Variants in SPAG6 observed in about 807,000 individuals in gnomAD.
SPAG6 encodes the protein sperm associated antigen 6, also known as sperm-associated antigen 6.
SPAG6 carries 49 observed loss-of-function variants against 58.5 expected under a neutral mutation model. That is an observed-to-expected ratio of 0.84 (90% CI 0.67 to 1.06). The LOEUF (loss-of-function observed/expected upper bound fraction) is 1.06. Among genes scored for constraint, SPAG6 ranks in the 50% least tolerant of loss-of-function variants. The pLI is 0.00. For synonymous variants in SPAG6, 233 were observed against 225.6 expected (o/e 1.03, Z -0.29); for missense variants, 560 against 611.3 (o/e 0.92, Z 0.89).
chr10:22,408,256 C>T (rs1218444927), intron 9 of SPAG6, among the ~76,000 whole-genome samples: 306 of 136,902 alleles, frequency 2.2e-3, no homozygotes, highest in African/African-American at 9.4e-3. Context: ...TTTTCCCCAT[C>T]TTTGTGGTTT....
chr10:22,415,869 A>G (rs1834854694), intron 10 of SPAG6, among the ~76,000 whole-genome samples: 1 of 152,142 alleles, frequency 6.6e-6, no homozygotes, highest in Admixed American at 6.5e-5. Context: ...ATTTTATTTG[A>G]CATTCATTTA....
rs367702878 is a variant in SPAG6, at chr10:22,408,923, C to G, written c.1315-2108C>G. On this transcript the variant is annotated intron_variant, in intron 9 of 10. Coordinates refer to ENST00000376624, the MANE Select transcript of SPAG6 (RefSeq NM_012443.4). ...TCCAGGTGCCGTCTGTCACCCCTTT[C>G]TTTGACTAGGAAAGGGAACTCCCTG... is the stretch of plus-strand genomic sequence containing the variant. Among the ~76,000 whole-genome samples the G allele has an allele frequency of 2.8e-4, 43 of 152,326 alleles. No homozygotes were observed. In the East Asian group the frequency reaches 7.7e-3, roughly 27 times the overall value.
chr10:22,355,551 A>G (rs1836842271), intron 2 of SPAG6, among the ~76,000 whole-genome samples: 1 of 152,230 alleles, frequency 6.6e-6, no homozygotes, highest in African/African-American at 2.4e-5. Context: ...AGTTTCTTGA[A>G]TTATTTACTA....
chr10:22,351,305 G>C (rs1231786875), intron 2 of SPAG6, among the ~76,000 whole-genome samples: 1 of 152,116 alleles, frequency 6.6e-6, no homozygotes, highest in Non-Finnish European at 1.5e-5. Context: ...AGGCTTCCTT[G>C]GGCTTCTAAT....
At chr10:22,389,906 G>A (rs1834148132) in intron 7 of SPAG6, among the ~76,000 whole-genome samples, 1 of 152,094 alleles carries the variant, frequency 6.6e-6, no homozygotes, top group Admixed American at 6.6e-5. Context: ...GTGCAGCCCT[G>A]GCACATAGTA....
At chr10:22,362,757 A>T (rs1022040222) in intron 2 of SPAG6, among the ~76,000 whole-genome samples, 6 of 151,930 alleles carry the variant, frequency 3.9e-5, no homozygotes, top group Admixed American at 3.3e-4. Context: ...AAAAAATAAG[A>T]ACGTAATGCT....
In SPAG6 at chr10:22,417,381, A is replaced by T. The variant is rs554157907; in HGVS notation, c.*693A>T. On this transcript the variant is annotated 3_prime_UTR_variant, in exon 11 of 11. Transcript: ENST00000376624. ...CTCCTGCATACATGCTCTCCCTCTCATTGAAAGGTTTCTTAGTCTAGCTCT... is the reference window on the plus strand; with the variant it reads ...CTCCTGCATACATGCTCTCCCTCTCTTTGAAAGGTTTCTTAGTCTAGCTCT... 2.6e-5 allele frequency: 4 copies of T among 152,276 alleles called. No individual in the cohort carries two copies. The East Asian group carries it at 7.7e-4, about 29-fold the overall frequency. 9.4% of individuals were successfully genotyped at this position (152,276 alleles called of 1,614,324 possible). A position where few individuals can be genotyped will look rare whatever the true frequency, so the allele number is the denominator to read the frequency against.
intron 4 of SPAG6, among the ~76,000 whole-genome samples, chr10:22,384,540 T>C (rs1199866342): frequency 1.3e-5 from 2 of 152,242 alleles, no homozygotes; most frequent in East Asian, 1.9e-4. Context: ...TATTAACATA[T>C]GTTTGAAGCT....
chr10:22,345,689 G>A lies in SPAG6; in HGVS notation c.26-34G>A. The A allele has an allele frequency of 6.3e-7, 1 of 1,594,334 alleles. No individual in the cohort carries two copies. The highest frequency in any genetic ancestry group is 8.5e-7 in the Non-Finnish European group (1 of 1,171,150). ...ACTAGCTGGCGCCGAGGAGACCCGG[G>A]TGCGGTGGGCTCCACCGACTCTCTC... On this transcript the variant is annotated intron_variant, in intron 1 of 10. Transcript: ENST00000376624. This position sits in a 1 kb window ranked among gnomAD's most constrained non-coding sequence, Gnocchi z 6.3.
chr10:22,385,556 T>C (rs1289120794), intron 4 of SPAG6, among the ~76,000 whole-genome samples: 3 of 152,214 alleles, frequency 2.0e-5, no homozygotes, highest in African/African-American at 7.2e-5. Context: ...AGCCTGTCAC[T>C]TAATAGCCTT....
intron 4 of SPAG6, among the ~76,000 whole-genome samples, chr10:22,383,038 T>C (rs1833990470): frequency 6.6e-6 from 1 of 152,218 alleles, no homozygotes; most frequent in African/African-American, 2.4e-5. Context: ...TCACATATTA[T>C]TGTGTAATGG....
chr10:22,378,387 A>G (rs1229605698), intron 4 of SPAG6, among the ~76,000 whole-genome samples: 1 of 148,782 alleles, frequency 6.7e-6, no homozygotes, highest in Admixed American at 6.7e-5. Context: ...TCTTACATGC[A>G]TACATTGCAT....
At chr10:22,392,439 A>T (rs572509087) in intron 8 of SPAG6, among the ~76,000 whole-genome samples, 2 of 152,214 alleles carry the variant, frequency 1.3e-5, no homozygotes, top group African/African-American at 4.8e-5. Context: ...AATATTTTTA[A>T]ATCATGCATT....
At chr10:22,409,305 T>G (rs958066510) in intron 9 of SPAG6, among the ~76,000 whole-genome samples, 9 of 152,190 alleles carry the variant, frequency 5.9e-5, no homozygotes, top group African/African-American at 1.7e-4. Context: ...ACCAATATAT[T>G]TATAGAATAT....
rs547989510 is a variant in SPAG6 at position 22,401,648 on chromosome 10, C to T, written c.1314+371C>T. On this transcript the variant is annotated intron_variant, in intron 9 of 10. Transcript: ENST00000376624. ...AAAAGGAAAAAGGTTTCTGAGCCAC[C>T]GAAATATCTTTCATGAAGTCCATGT... 6.1e-4 allele frequency among the ~76,000 whole-genome samples: 93 copies of T among 152,194 alleles called. 2 individuals carry two copies. The South Asian group carries it at 0.019, about 31-fold the overall frequency.
At chr10:22,390,658 C>T (rs1460907966) in intron 7 of SPAG6, among the ~76,000 whole-genome samples, 1 of 152,174 alleles carries the variant, frequency 6.6e-6, no homozygotes, top group Admixed American at 6.6e-5. Flanking sequence ...AGTAGAGGCA[C>T]TGTCTCCTTT....
At chr10:22,359,880 T>TG (rs542782617) in intron 2 of SPAG6, among the ~76,000 whole-genome samples, 53 of 152,060 alleles carry the variant, frequency 3.5e-4, no homozygotes, top group Non-Finnish European at 4.6e-4. Context: ...TAAACGTTGT[T>TG]GGGGGGGATA....
At chr10:22,350,860 G>T (rs1041330953) in intron 2 of SPAG6, among the ~76,000 whole-genome samples, 15 of 152,164 alleles carry the variant, frequency 9.9e-5, no homozygotes, top group Non-Finnish European at 2.1e-4. Flanking sequence ...ATGAAGGAAG[G>T]AGTAACTGAA....
rs1302825923 is a variant in SPAG6, at chr10:22,345,533, C to A, written c.-79C>A. 10 of 1,274,158 alleles carry A rather than the reference C, an allele frequency of 7.8e-6. No homozygotes were observed. In the Admixed American group the frequency reaches 2.4e-4, roughly 31 times the overall value. 78.9% of individuals were successfully genotyped at this position (1,274,158 alleles called of 1,614,324 possible). ...CCCGTCGGAGGCCGAGTCGTCGCCA[C>A]GATCGCCCCCTTGGTGGACTCGCAG... On this transcript the variant is annotated 5_prime_UTR_variant, in exon 1 of 11. Coordinates refer to ENST00000376624, the MANE Select transcript of SPAG6 (RefSeq NM_012443.4). The surrounding 1 kb of genome is among the most constrained non-coding windows in gnomAD (Gnocchi z 6.3).
Sources: allele counts gnomAD v4.1 joint callset (sites outside exome capture counted in the v4.1 genomes callset), GRCh38; gene constraint gnomAD v4.1.1; non-coding constraint Gnocchi (gnomAD v3.1); transcripts MANE v1.5; gene names NCBI Gene and HGNC (gene_info 2026-07-23, HGNC 2026-07-21).